THSD7A: variants seen among roughly 807,000 people sequenced by gnomAD.
The protein encoded by THSD7A is thrombospondin type-1 domain-containing protein 7A.
THSD7A carries 96 observed loss-of-function variants against 231.3 expected under a neutral mutation model. The observed-to-expected ratio is 0.41, with a 90% CI of 0.35 to 0.49. THSD7A has a LOEUF of 0.49. Ranked by LOEUF, THSD7A falls within the 20% of genes least tolerant of loss-of-function variation. The probability of loss-of-function intolerance (pLI) is 0.05; values close to 1 mark genes in which losing one functional copy is unlikely to be tolerated. For synonymous variants in THSD7A, 940 were observed against 743.3 expected (o/e 1.26, Z -4.30); for missense variants, 2,290 against 2,070.2 (o/e 1.11, Z -2.06).
At position 11,580,252 on chromosome 7, in the gene THSD7A, A is replaced by G. The variant is rs150623296; in HGVS notation, c.1453+10208T>C. ...AGGAATGTCTGCATTTTCTTAAAGC[A>G]TGCAGGTGATTCTTAAACTATATTT... On this transcript the variant is annotated intron_variant, in intron 4 of 27. Transcript: ENST00000423059. 3.7e-3 allele frequency among the ~76,000 whole-genome samples: 571 copies of G among 152,314 alleles called. 1 individual carries two copies. Among genetic ancestry groups the G allele is most frequent in the Admixed American group, 6.3e-3 (97 of 15,296 alleles).
At chr7:11,666,500 T>C (rs984311627) in intron 1 of THSD7A, among the ~76,000 whole-genome samples, 2 of 152,060 alleles carry the variant, frequency 1.3e-5, no homozygotes, top group African/African-American at 4.8e-5. Flanking sequence ...TATTATAATT[T>C]AACTTGTTGT....
At chr7:11,457,048 GAA>G (rs374065436) in intron 11 of THSD7A, among the ~76,000 whole-genome samples, 4,667 of 152,034 alleles carry the variant, frequency 0.031, 109 homozygotes, top group Admixed American at 0.057. Context: ...ACTTGTTAGA[GAA>G]AAAAGAAATC....
intron 1 of THSD7A, among the ~76,000 whole-genome samples, chr7:11,669,701 C>T (rs1783296607): frequency 6.6e-6 from 1 of 151,812 alleles, no homozygotes; most frequent in Non-Finnish European, 1.5e-5. Context: ...TAATAATTTA[C>T]ATAAATGAGT....
chr7:11,813,714 AAATAATAATAATAATAATAAT>A (rs61350544), intron 1 of THSD7A, among the ~76,000 whole-genome samples: 17 of 145,098 alleles, frequency 1.2e-4, no homozygotes, highest in African/African-American at 2.3e-4. Context: ...CTCCATCTCA[AAATAATAATAATAATAATAAT>A]AATAATAATA....
At chr7:11,577,982 A>G (rs908872363) in intron 4 of THSD7A, among the ~76,000 whole-genome samples, 11 of 152,230 alleles carry the variant, frequency 7.2e-5, no homozygotes. Context: ...AAATAATACA[A>G]TGAAAGCTTT....
In THSD7A at chr7:11,446,421, C is replaced by A; in HGVS notation, c.2801-97G>T. 1 of 1,323,944 alleles carries A rather than the reference C, an allele frequency of 7.6e-7. No individual in the cohort carries two copies. The allele number at this position is 1,323,944 out of a possible 1,614,324, so 82.0% of individuals were successfully genotyped here. The stretch of plus-strand genomic sequence containing the variant: ...TCTGCTTTCCTAATTTCTTTTTCTT[C>A]ATTTTTAACCATATTTAACAGTAGC... On this transcript the variant is annotated intron_variant, in intron 12 of 27. Transcript: ENST00000423059. This position sits in a 1 kb window ranked among gnomAD's most constrained non-coding sequence, Gnocchi z 4.0.
intron 4 of THSD7A, among the ~76,000 whole-genome samples, chr7:11,582,903 T>G (rs1277299305): frequency 1.3e-5 from 2 of 150,734 alleles, no homozygotes; most frequent in South Asian, 4.2e-4. Flanking sequence ...AAAATTCTTG[T>G]TTTTCCTAAT....
chr7:11,660,085 A>G (rs1414898791), intron 1 of THSD7A, among the ~76,000 whole-genome samples: 2 of 151,622 alleles, frequency 1.3e-5, no homozygotes, highest in Admixed American at 1.3e-4. Flanking sequence ...TGTCAAGATG[A>G]ATGGAAACAC....
chr7:11,678,816 G>A (rs1020150614), intron 1 of THSD7A, among the ~76,000 whole-genome samples: 1 of 152,132 alleles, frequency 6.6e-6, no homozygotes, highest in Non-Finnish European at 1.5e-5. Flanking sequence ...CCAAACAATA[G>A]TAAAAGAGGG....
intron 1 of THSD7A, among the ~76,000 whole-genome samples, chr7:11,824,796 G>A (rs1257377130): frequency 4.6e-5 from 7 of 152,058 alleles, no homozygotes; most frequent in Non-Finnish European, 8.8e-5. Context: ...ACAAAGCAAT[G>A]TATAAAATAC....
chr7:11,489,654 A>T (rs1786806888), intron 6 of THSD7A, among the ~76,000 whole-genome samples: 1 of 151,976 alleles, frequency 6.6e-6, no homozygotes, highest in African/African-American at 2.4e-5. Flanking sequence ...CTCAGGAATA[A>T]CCCAATGTGC....
chr7:11,744,567 T>C (rs900457570), intron 1 of THSD7A, among the ~76,000 whole-genome samples: 8 of 151,578 alleles, frequency 5.3e-5, no homozygotes, highest in Admixed American at 3.3e-4. Context: ...ACATTAGGTA[T>C]ATCTCCTAAT....
chr7:11,706,630 C>CTTTTTTTTTTTTTTT lies in THSD7A; in HGVS notation c.191-69684_191-69670dup, dbSNP rs66964252. ...ATTGACTAAAAATTTTAACAAGGTGCTTTTTTTTTTTTTTTTTTTTTTTTT... is the reference window on the plus strand; with the variant it reads ...ATTGACTAAAAATTTTAACAAGGTGCTTTTTTTTTTTTTTTTTTTTTTTTTTTTTTTTTTTTTTTT... On this transcript the variant is annotated intron_variant, in intron 1 of 27. Transcript: ENST00000423059. 7.5e-3 allele frequency among the ~76,000 whole-genome samples: 499 copies of CTTTTTTTTTTTTTTT among 66,390 alleles called. 37 individuals are homozygous for CTTTTTTTTTTTTTTT. The highest frequency in any genetic ancestry group is 0.028 in the Middle Eastern group (2 of 72). 43.6% of individuals were successfully genotyped at this position (66,390 alleles called of 152,430 possible). A position where few individuals can be genotyped will look rare whatever the true frequency, so the allele number is the denominator to read the frequency against.
At chr7:11,432,961 G>T (rs1478552391) in intron 13 of THSD7A, among the ~76,000 whole-genome samples, 2 of 152,020 alleles carry the variant, frequency 1.3e-5, no homozygotes, top group East Asian at 3.8e-4. Context: ...AGTTCTGAAA[G>T]TGGGCATTAG....
intron 23 of THSD7A, among the ~76,000 whole-genome samples, chr7:11,397,955 C>G (rs1293260922): frequency 6.6e-6 from 1 of 152,144 alleles, no homozygotes; most frequent in Non-Finnish European, 1.5e-5. Flanking sequence ...GTTGGTGGGA[C>G]TGTAAATTAG....
intron 1 of THSD7A, among the ~76,000 whole-genome samples, chr7:11,797,412 C>CTTTTT (rs59662790): frequency 1.1e-4 from 12 of 109,004 alleles, no homozygotes; most frequent in East Asian, 2.5e-4. Context: ...CTGCCTCTCT[C>CTTTTT]TTTTTTTTTT....
intron 1 of THSD7A, among the ~76,000 whole-genome samples, chr7:11,729,864 T>A (rs1781669157): frequency 6.6e-6 from 1 of 151,748 alleles, no homozygotes; most frequent in Non-Finnish European, 1.5e-5. Flanking sequence ...TTTTCACTTG[T>A]TTAAAAATAT....
At chr7:11,675,498 A>T (rs931920170) in intron 1 of THSD7A, among the ~76,000 whole-genome samples, 1 of 152,178 alleles carries the variant, frequency 6.6e-6, no homozygotes, top group Non-Finnish European at 1.5e-5. Context: ...GGAGCCCAGC[A>T]AGCTAAGATC....
intron 6 of THSD7A, among the ~76,000 whole-genome samples, chr7:11,492,530 G>A (rs1017715544): frequency 2.0e-5 from 3 of 151,922 alleles, no homozygotes; most frequent in East Asian, 1.9e-4. Context: ...TTTATCACAC[G>A]AAAACAAGCA....
Sources: allele counts gnomAD v4.1 joint callset (sites outside exome capture counted in the v4.1 genomes callset), GRCh38; gene constraint gnomAD v4.1.1; non-coding constraint Gnocchi (gnomAD v3.1); transcripts MANE v1.5; gene names NCBI Gene and HGNC (gene_info 2026-07-23, HGNC 2026-07-21).